QTGAL: variants seen among roughly 807,000 people sequenced by gnomAD.
QTGAL encodes queuosine-tRNA galactosyltransferase.
the QTGAL span, among the ~76,000 whole-genome samples, chr17:83,048,022 T>C: frequency 6.6e-6 from 1 of 151,344 alleles, no homozygotes; most frequent in Admixed American, 6.6e-5. Context: ...CTTCCTCTCT[T>C]TCTCTCTCTC....
chr17:83,037,709 C>T, the QTGAL span, among the ~76,000 whole-genome samples: 2 of 152,222 alleles, frequency 1.3e-5, no homozygotes, highest in African/African-American at 2.4e-5. This position sits in a 1 kb window ranked among gnomAD's most constrained non-coding sequence, Gnocchi z 5.2. Flanking sequence ...TCAACAGGGG[C>T]TCTGCTCACA....
the QTGAL span, among the ~76,000 whole-genome samples, chr17:82,973,688 G>A: frequency 6.6e-6 from 1 of 152,132 alleles, no homozygotes; most frequent in Admixed American, 6.5e-5. Context: ...CACTGAGTTC[G>A]GAGCCGGCTA....
the QTGAL span, chr17:83,035,213 CTT>C: frequency 1.3e-4 from 116 of 887,606 alleles, no homozygotes; most frequent in South Asian, 5.8e-4. Flanking sequence ...GAGTTTCCCT[CTT>C]GTTGCCCAGG....
the QTGAL span, among the ~76,000 whole-genome samples, chr17:82,959,447 G>C: frequency 0.13 from 18,500 of 138,132 alleles, 1,180 homozygotes; most frequent in South Asian, 0.3. Flanking sequence ...TGTACATGTG[G>C]TCTGTGTGCA....
chr17:83,024,048 G>A, the QTGAL span, among the ~76,000 whole-genome samples: 69 of 152,352 alleles, frequency 4.5e-4, no homozygotes, highest in African/African-American at 1.6e-3. Context: ...AGGGTACAGT[G>A]TGGGGAGGAC....
At chr17:82,966,491 T>C in the QTGAL span, among the ~76,000 whole-genome samples, 4 of 152,184 alleles carry the variant, frequency 2.6e-5, no homozygotes, top group South Asian at 2.1e-4. Context: ...TCAAGGTTGA[T>C]TGGTATCAGC....
At chr17:82,942,165 C>G in the QTGAL span, 1 of 550,060 alleles carries the variant, frequency 1.8e-6, no homozygotes, top group Non-Finnish European at 3.2e-6. Flanking sequence ...GTGCTTTTTA[C>G]ATTTTTATTA....
the QTGAL span, chr17:83,048,987 G>C: frequency 3.6e-6 from 2 of 554,388 alleles, no homozygotes; most frequent in South Asian, 2.3e-5. Context: ...GTTTTTGAAA[G>C]TGAAAAAAAA....
chr17:82,971,020 G>A, the QTGAL span, among the ~76,000 whole-genome samples: 1 of 152,172 alleles, frequency 6.6e-6, no homozygotes, highest in Non-Finnish European at 1.5e-5. Flanking sequence ...GCGTCGTGGG[G>A]CGCAGTGCGT....
At chr17:83,046,785 GTCA>G in the QTGAL span, among the ~76,000 whole-genome samples, 1 of 152,186 alleles carries the variant, frequency 6.6e-6, no homozygotes, top group African/African-American at 2.4e-5. Flanking sequence ...TGTTCAGACT[GTCA>G]TCATTCACAG....
At chr17:82,957,076 C>A in the QTGAL span, 4 of 1,484,698 alleles carry the variant, frequency 2.7e-6, no homozygotes, top group Middle Eastern at 3.9e-4. Flanking sequence ...GAGGAGCCAG[C>A]ACGGCCCAGG....
At chr17:82,999,892 A>G in the QTGAL span, among the ~76,000 whole-genome samples, 1 of 152,108 alleles carries the variant, frequency 6.6e-6, no homozygotes, top group Non-Finnish European at 1.5e-5. Flanking sequence ...GGTTTATAGG[A>G]TCGCCTTAAA....
the QTGAL span, among the ~76,000 whole-genome samples, chr17:82,953,975 A>C: frequency 6.6e-6 from 1 of 152,194 alleles, no homozygotes; most frequent in Non-Finnish European, 1.5e-5. Context: ...CTCCCAATAC[A>C]CTAGGTATTG....
At chr17:83,029,355 C>T in the QTGAL span, among the ~76,000 whole-genome samples, 2 of 152,074 alleles carry the variant, frequency 1.3e-5, no homozygotes, top group African/African-American at 4.8e-5. Flanking sequence ...TTAAAAAGAA[C>T]TGAAGTTAAA....
chr17:83,024,954 A>G, the QTGAL span, among the ~76,000 whole-genome samples: 5 of 152,234 alleles, frequency 3.3e-5, no homozygotes, highest in Non-Finnish European at 7.3e-5. Flanking sequence ...GCAAGACCGC[A>G]GTCCTCGTTT....
the QTGAL span, among the ~76,000 whole-genome samples, chr17:82,997,012 C>A: frequency 6.6e-6 from 1 of 152,190 alleles, no homozygotes; most frequent in South Asian, 2.1e-4. Context: ...TAAGACCCCA[C>A]AAGCACAGGC....
the QTGAL span, chr17:83,034,982 A>G: frequency 5.8e-6 from 8 of 1,390,356 alleles, no homozygotes; most frequent in Non-Finnish European, 8.0e-6. Context: ...TCATTTAATT[A>G]TTCAACCAAC....
chr17:82,961,650 C>T, the QTGAL span, among the ~76,000 whole-genome samples: 3 of 152,304 alleles, frequency 2.0e-5, no homozygotes, highest in East Asian at 3.9e-4. Context: ...TGTGGGGCTG[C>T]GGGCAGGGGA....
At chr17:82,961,372 C>T in the QTGAL span, 1 of 557,828 alleles carries the variant, frequency 1.8e-6, no homozygotes, top group South Asian at 2.3e-5. Context: ...AACCGAGCTT[C>T]TCCACAGGCG....
Sources: gnomAD v4.1 joint callset for allele counts (sites outside exome capture counted in the v4.1 genomes callset) on GRCh38, gnomAD v4.1.1 for gene constraint, Gnocchi (gnomAD v3.1) non-coding constraint, MANE v1.5 for transcripts, NCBI Gene and HGNC (gene_info 2026-07-23, HGNC 2026-07-21) for gene names.